Variants in GRIK4 observed in about 807,000 individuals in gnomAD.
GRIK4 encodes the protein glutamate ionotropic receptor kainate type subunit 4.
Under a neutral mutation model 104.9 loss-of-function variants are expected in GRIK4, and 40 were observed. That is an observed-to-expected ratio of 0.38 (90% CI 0.30 to 0.50). The LOEUF (loss-of-function observed/expected upper bound fraction) is 0.50, where lower values mean the gene tolerates loss of function less well. GRIK4 is among the 20% of genes least tolerant of loss of function. The pLI is 0.93. For synonymous variants in GRIK4, 485 were observed against 524.9 expected, an observed-to-expected ratio of 0.92 and a Z score of 1.04; for missense variants, 1,047 against 1,308.1, an observed-to-expected ratio of 0.80 and a Z score of 3.08.
chr11:120,558,963 G>A (rs1948213378), intron 1 of GRIK4, among the ~76,000 whole-genome samples: 3 of 152,136 alleles, frequency 2.0e-5, no homozygotes, highest in African/African-American at 7.2e-5. Context: ...GATGCTGAAG[G>A]GCACTCATAT....
chr11:120,601,964 C>T (rs1254249893), intron 1 of GRIK4, among the ~76,000 whole-genome samples: 1 of 152,006 alleles, frequency 6.6e-6, no homozygotes, highest in African/African-American at 2.4e-5. Context: ...TATCAGTGAC[C>T]CCTGACTCCT....
intron 1 of GRIK4, among the ~76,000 whole-genome samples, chr11:120,620,932 C>T (rs979713223): frequency 1.3e-5 from 2 of 152,222 alleles, no homozygotes; most frequent in African/African-American, 2.4e-5. Flanking sequence ...TGTTGAGGCT[C>T]GGAGAGCAGT....
At chr11:120,716,357 C>T (rs540020633) in intron 3 of GRIK4, among the ~76,000 whole-genome samples, 3 of 152,244 alleles carry the variant, frequency 2.0e-5, no homozygotes, top group Non-Finnish European at 2.9e-5. Context: ...AATCCTCCCC[C>T]CTCAGCCTCC....
At chr11:120,894,011 C>T (rs1407083266) in intron 11 of GRIK4, among the ~76,000 whole-genome samples, 1 of 152,088 alleles carries the variant, frequency 6.6e-6, no homozygotes, top group African/African-American at 2.4e-5. Context: ...TTCAAATGTC[C>T]ATCTCAGAGA....
rs192856252 is a variant in GRIK4 at position 120,733,800 on chromosome 11, C to T, written c.83-68893C>T. 4.3e-3 allele frequency among the ~76,000 whole-genome samples: 650 copies of T among 150,470 alleles called. 6 individuals are homozygous for T. Among genetic ancestry groups the T allele is most frequent in the African/African-American group, 0.015 (605 of 40,946 alleles). On this transcript the variant is annotated intron_variant, in intron 3 of 20. Coordinates refer to ENST00000527524, the MANE Select transcript of GRIK4 (RefSeq NM_014619.5). ...TCACCCAGGCTAGAGTATGGTGGCACGATCTTGGCTCACTGCAACCTCCAC... is the reference window on the plus strand; with the variant it reads ...TCACCCAGGCTAGAGTATGGTGGCATGATCTTGGCTCACTGCAACCTCCAC...
chr11:120,853,613 T>A (rs11218032), intron 8 of GRIK4, among the ~76,000 whole-genome samples: 46,722 of 152,112 alleles, frequency 0.31, 8,621 homozygotes, highest in East Asian at 0.5. Flanking sequence ...GCATTCTAAA[T>A]TCTAGCTTGA....
At chr11:120,570,015 T>C (rs151199345) in intron 1 of GRIK4, among the ~76,000 whole-genome samples, 251 of 152,342 alleles carry the variant, frequency 1.6e-3, no homozygotes, top group African/African-American at 5.9e-3. Flanking sequence ...AGGAGTTACA[T>C]AGAACTCTCC....
At chr11:120,522,623 C>G (rs1232272897) in intron 1 of GRIK4, among the ~76,000 whole-genome samples, 2 of 152,144 alleles carry the variant, frequency 1.3e-5, no homozygotes, top group African/African-American at 4.8e-5. Context: ...ACCTGGCTCC[C>G]ATGGGTCTTT....
At chr11:120,693,104 A>T (rs1052474844) in intron 3 of GRIK4, among the ~76,000 whole-genome samples, 6 of 151,546 alleles carry the variant, frequency 4.0e-5, no homozygotes, top group Admixed American at 6.6e-5. Context: ...ATTTTATTTT[A>T]TTATTATTAT....
intron 3 of GRIK4, among the ~76,000 whole-genome samples, chr11:120,699,480 T>G (rs1414835262): frequency 2.0e-5 from 3 of 151,958 alleles, no homozygotes; most frequent in African/African-American, 7.3e-5. Flanking sequence ...AATTGGTGAA[T>G]TGAAATGAAT....
chr11:120,656,742 T>C lies in GRIK4; in HGVS notation c.-51+2950T>C, dbSNP rs1477102082. ...GGTGGTGGGCATCTGTAATCCCAGC[T>C]ACCTGGGAGGCTGAGGCAGGAGAAT... On this transcript the variant is annotated intron_variant, in intron 2 of 20. Coordinates refer to ENST00000527524, the MANE Select transcript of GRIK4 (RefSeq NM_014619.5). 3.9e-5 allele frequency among the ~76,000 whole-genome samples: 6 copies of C among 152,294 alleles called. No individual in the cohort carries two copies. In the South Asian group the frequency reaches 8.3e-4, roughly 21 times the overall value.
At chr11:120,829,836 G>A (rs1361014046) in intron 6 of GRIK4, among the ~76,000 whole-genome samples, 1 of 152,200 alleles carries the variant, frequency 6.6e-6, no homozygotes, top group Non-Finnish European at 1.5e-5. Flanking sequence ...ATCAGGATTG[G>A]CAGGGAGTAA....
intron 3 of GRIK4, among the ~76,000 whole-genome samples, chr11:120,700,470 A>G (rs1038932264): frequency 2.0e-5 from 3 of 146,838 alleles, no homozygotes; most frequent in Non-Finnish European, 4.5e-5. Flanking sequence ...TATTATTACT[A>G]TTTTTTGAGA....
intron 12 of GRIK4, among the ~76,000 whole-genome samples, chr11:120,901,310 TCGC>T (rs1942731146): frequency 2.9e-4 from 3 of 10,464 alleles, no homozygotes; most frequent in African/African-American, 1.5e-3. Context: ...CAAGACCTGC[TCGC>T]TGCATCCTGC....
chr11:120,637,696 A>G (rs1311246322), intron 1 of GRIK4, among the ~76,000 whole-genome samples: 2 of 152,068 alleles, frequency 1.3e-5, no homozygotes, highest in Non-Finnish European at 2.9e-5. Context: ...GCTGGTTTAA[A>G]TGTTCATTTG....
intron 5 of GRIK4, 119 bp downstream of exon 5, chr11:120,815,594 TAAC>T (rs1206239771): frequency 6.8e-6 from 4 of 584,288 alleles, no homozygotes; most frequent in Admixed American, 3.7e-5. Flanking sequence ...GTATCATTAA[TAAC>T]AACAACATAA....
intron 13 of GRIK4, among the ~76,000 whole-genome samples, chr11:120,909,992 G>A (rs1230876025): frequency 4.6e-5 from 7 of 152,328 alleles, no homozygotes; most frequent in African/African-American, 1.7e-4. Context: ...CTGCCCTTAG[G>A]AATGGATTCA....
intron 3 of GRIK4, among the ~76,000 whole-genome samples, chr11:120,674,293 G>T (rs1172801092): frequency 6.6e-6 from 1 of 152,098 alleles, no homozygotes; most frequent in Non-Finnish European, 1.5e-5. Flanking sequence ...CAGCCTGGTG[G>T]GGATCTGGCC....
intron 8 of GRIK4, among the ~76,000 whole-genome samples, chr11:120,851,896 C>A (rs1354808200): frequency 6.6e-6 from 1 of 152,154 alleles, no homozygotes; most frequent in Non-Finnish European, 1.5e-5. Context: ...CTCCTTGTAC[C>A]CCTGGTGGGA....
Sources: allele counts gnomAD v4.1 joint callset (sites outside exome capture counted in the v4.1 genomes callset), GRCh38; gene constraint gnomAD v4.1.1; transcripts MANE v1.5; gene names NCBI Gene and HGNC (gene_info 2026-07-23, HGNC 2026-07-21).